Variants in BBS9 observed in about 807,000 individuals in gnomAD.
BBS9 encodes the protein Bardet-Biedl syndrome 9, also known as protein PTHB1.
A neutral mutation model predicts 117.7 loss-of-function variants in BBS9; 89 were observed. The ratio of observed to expected loss-of-function variants is 0.76; its 90% confidence interval spans 0.64 to 0.90. The LOEUF is 0.90. Ranked by LOEUF, BBS9 falls within the 40% of genes least tolerant of loss-of-function variation. The probability of loss-of-function intolerance (pLI) is 0.00; values close to 1 mark genes in which losing one functional copy is unlikely to be tolerated. For synonymous variants in BBS9, 379 were observed against 370.9 expected (o/e 1.02, Z -0.25); for missense variants, 982 against 1,042.2 (o/e 0.94, Z 0.80).
chr7:33,350,696 G>C (rs1818481718), intron 13 of BBS9, among the ~76,000 whole-genome samples: 1 of 152,062 alleles, frequency 6.6e-6, no homozygotes, highest in African/African-American at 2.4e-5. Flanking sequence ...ACCTTGTTCT[G>C]GAGTTAATTC....
chr7:33,393,621 A>G (rs1484496814), intron 19 of BBS9, among the ~76,000 whole-genome samples: 1 of 152,090 alleles, frequency 6.6e-6, no homozygotes, highest in Non-Finnish European at 1.5e-5. Context: ...CCTACCCCCA[A>G]ATCACATGTA....
At chr7:33,290,719 A>C (rs1472861473) in intron 9 of BBS9, among the ~76,000 whole-genome samples, 2 of 152,240 alleles carry the variant, frequency 1.3e-5, no homozygotes, top group Non-Finnish European at 2.9e-5. Context: ...TTAGAACAGA[A>C]TTCTCAGTAT....
At chr7:33,250,996 G>A (rs1333077287) in intron 5 of BBS9, among the ~76,000 whole-genome samples, 1 of 152,192 alleles carries the variant, frequency 6.6e-6, no homozygotes, top group African/African-American at 2.4e-5. Context: ...GGTGATTGAA[G>A]CGGAATGAGA....
chr7:33,612,440 A>T (rs973458522), intron 21 of BBS9, among the ~76,000 whole-genome samples: 1 of 151,984 alleles, frequency 6.6e-6, no homozygotes, highest in Non-Finnish European at 1.5e-5. Flanking sequence ...TACACTTCAC[A>T]TTCCCTACTT....
At chr7:33,535,797 A>C (rs548181204) in intron 21 of BBS9, among the ~76,000 whole-genome samples, 11 of 152,112 alleles carry the variant, frequency 7.2e-5, no homozygotes, top group Middle Eastern at 3.4e-3. Flanking sequence ...TTAATTTTAC[A>C]AAAAAGAGAG....
At chr7:33,159,305 G>A (rs1794507171) in intron 4 of BBS9, among the ~76,000 whole-genome samples, 1 of 152,122 alleles carries the variant, frequency 6.6e-6, no homozygotes, top group Admixed American at 6.6e-5. Flanking sequence ...CTGAGAAATA[G>A]CAGAACAGTG....
At chr7:33,533,899 C>T in intron 20 of BBS9, 55 bp from the exon 21 acceptor site, 1 of 1,571,216 alleles carries the variant, frequency 6.4e-7, no homozygotes, top group Non-Finnish European at 8.8e-7. Flanking sequence ...ACATCAAGTG[C>T]CCACTTTTCT....
chr7:33,517,543 C>T (rs993493318), intron 20 of BBS9, among the ~76,000 whole-genome samples: 8 of 152,220 alleles, frequency 5.3e-5, no homozygotes, highest in Admixed American at 6.5e-5. Flanking sequence ...CAGGAGTGAG[C>T]ACCCGTTGCC....
chr7:33,283,687 C>A (rs1416662126), intron 9 of BBS9, among the ~76,000 whole-genome samples: 1 of 152,152 alleles, frequency 6.6e-6, no homozygotes, highest in Non-Finnish European at 1.5e-5. Context: ...TTTATGTTCT[C>A]ATCTCCCTCA....
At chr7:33,349,261 G>A in intron 13 of BBS9, 91 bp downstream of exon 13, 2 of 915,080 alleles carry the variant, frequency 2.2e-6, no homozygotes, top group Non-Finnish European at 3.6e-6. Context: ...TTTCATGTCT[G>A]AATGGTGAGA....
chr7:33,141,237 A>G (rs1791408166), intron 1 of BBS9, among the ~76,000 whole-genome samples: 1 of 152,160 alleles, frequency 6.6e-6, no homozygotes, highest in African/African-American at 2.4e-5. Flanking sequence ...AGCCTGGTCA[A>G]CATGGGGAAA....
chr7:33,626,569 C>CA (rs1360768397), intron 21 of BBS9, among the ~76,000 whole-genome samples: 4 of 152,154 alleles, frequency 2.6e-5, no homozygotes, highest in African/African-American at 9.7e-5. Flanking sequence ...GTGACATGAA[C>CA]AATAAAGTCC....
chr7:33,622,977 T>A (rs1865478817), intron 21 of BBS9, among the ~76,000 whole-genome samples: 1 of 152,168 alleles, frequency 6.6e-6, no homozygotes, highest in Non-Finnish European at 1.5e-5. Flanking sequence ...TAGGAACACA[T>A]GTAGGAGAAT....
At chr7:33,372,593 G>A (rs1823072983) in intron 17 of BBS9, among the ~76,000 whole-genome samples, 1 of 152,098 alleles carries the variant, frequency 6.6e-6, no homozygotes, top group Non-Finnish European at 1.5e-5. Flanking sequence ...TTGTTCATCA[G>A]GGATACTGGC....
At chr7:33,556,411 T>G (rs1001781110) in intron 21 of BBS9, among the ~76,000 whole-genome samples, 1 of 152,232 alleles carries the variant, frequency 6.6e-6, no homozygotes, top group Non-Finnish European at 1.5e-5. Context: ...TTTAGTACAT[T>G]ACAAAACATC....
intron 17 of BBS9, among the ~76,000 whole-genome samples, chr7:33,369,324 A>T (rs1210808472): frequency 1.3e-5 from 2 of 152,162 alleles, no homozygotes; most frequent in Non-Finnish European, 2.9e-5. Context: ...AAAGGCAAAA[A>T]TTTTTGCAAA....
chr7:33,419,948 A>G (rs1203607090), intron 19 of BBS9, among the ~76,000 whole-genome samples: 2 of 152,174 alleles, frequency 1.3e-5, no homozygotes, highest in African/African-American at 4.8e-5. Context: ...GAAGAAAGAT[A>G]TGAACAGATC....
At chr7:33,405,342 G>A (rs1367115489) in intron 19 of BBS9, among the ~76,000 whole-genome samples, 3 of 152,038 alleles carry the variant, frequency 2.0e-5, no homozygotes, top group Non-Finnish European at 4.4e-5. Flanking sequence ...TTGGTATCAG[G>A]ATGATGCTGG....
intron 16 of BBS9, among the ~76,000 whole-genome samples, chr7:33,362,040 T>C (rs1057101275): frequency 6.6e-6 from 1 of 152,186 alleles, no homozygotes; most frequent in Non-Finnish European, 1.5e-5. Flanking sequence ...TGTCTATTAG[T>C]AATTCCTTAT....
Sources: gnomAD v4.1 joint callset for allele counts (sites outside exome capture counted in the v4.1 genomes callset) on GRCh38, gnomAD v4.1.1 for gene constraint, MANE v1.5 for transcripts, NCBI Gene and HGNC (gene_info 2026-07-23, HGNC 2026-07-21) for gene names.